Variants in GNA14 observed in about 807,000 individuals in gnomAD.
The protein encoded by GNA14 is G protein subunit alpha 14.
GNA14 carries 50 observed loss-of-function variants against 42.0 expected under a neutral mutation model. The observed-to-expected ratio is 1.19, with a 90% CI of 0.95 to 1.51. The LOEUF is 1.51. Ranked by LOEUF, GNA14 falls within the 40% of genes most tolerant of loss-of-function variation. The pLI is 0.00. For synonymous variants in GNA14, 173 were observed against 163.1 expected (o/e 1.06, Z -0.46); for missense variants, 473 against 446.2 (o/e 1.06, Z -0.54).
At chr9:77,591,538 T>C (rs1420999144) in intron 1 of GNA14, among the ~76,000 whole-genome samples, 1 of 152,202 alleles carries the variant, frequency 6.6e-6, no homozygotes, top group African/African-American at 2.4e-5. Context: ...TTAGACTCAA[T>C]TTCCTCAGGC....
chr9:77,647,969 A>C lies in GNA14; in HGVS notation c.-176T>G. 1.4e-6 allele frequency: 1 copy of C among 696,890 alleles called. No homozygotes were observed. The highest frequency in any genetic ancestry group is 2.3e-6 in the Non-Finnish European group (1 of 434,902). 43.2% of individuals were successfully genotyped at this position (696,890 alleles called of 1,614,324 possible). On this transcript the variant is annotated 5_prime_UTR_variant, in exon 1 of 7. Transcript: ENST00000341700. Reference sequence around the variant, plus strand: ...CCTCCGAGGCTCAATCCCCCTTCGAAAGTCGGCTCTGAGGCGGGGTGAATG... The same window carrying C: ...CCTCCGAGGCTCAATCCCCCTTCGACAGTCGGCTCTGAGGCGGGGTGAATG...
At chr9:77,530,756 G>C in intron 1 of GNA14, among the ~76,000 whole-genome samples, 1 of 152,188 alleles carries the variant, frequency 6.6e-6, no homozygotes. Context: ...TGTCTTGCAG[G>C]CTCAGGCTGC....
intron 2 of GNA14, among the ~76,000 whole-genome samples, chr9:77,437,823 G>T (rs191960523): frequency 6.6e-6 from 1 of 152,100 alleles, no homozygotes; most frequent in African/African-American, 2.4e-5. Flanking sequence ...TATGTGGCAC[G>T]AGTGAGCAAT....
At chr9:77,522,423 C>A (rs1587815596) in intron 2 of GNA14, among the ~76,000 whole-genome samples, 1 of 152,186 alleles carries the variant, frequency 6.6e-6, no homozygotes, top group East Asian at 1.9e-4. Flanking sequence ...TCTGTCAAGG[C>A]TAATCTAACC....
At chr9:77,476,788 C>T (rs1427562993) in intron 2 of GNA14, among the ~76,000 whole-genome samples, 1 of 152,166 alleles carries the variant, frequency 6.6e-6, no homozygotes, top group Non-Finnish European at 1.5e-5. Flanking sequence ...GGAGAGAAAG[C>T]TGAAACCTTG....
chr9:77,613,390 A>G (rs1417767627), intron 1 of GNA14, among the ~76,000 whole-genome samples: 1 of 152,220 alleles, frequency 6.6e-6, no homozygotes, highest in East Asian at 1.9e-4. Context: ...GGAGTAGGAC[A>G]ATGGGGAAAT....
At chr9:77,428,071 C>CTTTTTTTTTTTT (rs1182913068) in intron 5 of GNA14, among the ~76,000 whole-genome samples, 3 of 130,676 alleles carry the variant, frequency 2.3e-5, no homozygotes, top group African/African-American at 2.9e-5. Flanking sequence ...GGCATTTTTT[C>CTTTTTTTTTTTT]TTTTTTTTTT....
intron 2 of GNA14, among the ~76,000 whole-genome samples, chr9:77,523,003 T>C (rs1044354369): frequency 2.6e-5 from 4 of 152,162 alleles, no homozygotes; most frequent in Admixed American, 6.5e-5. Flanking sequence ...CTCAAGTGCA[T>C]AGACTCAACT....
chr9:77,635,648 G>A (rs1218710063), intron 1 of GNA14, among the ~76,000 whole-genome samples: 1 of 152,148 alleles, frequency 6.6e-6, no homozygotes, highest in Non-Finnish European at 1.5e-5. Context: ...AGGGTGAAAT[G>A]CCTTTGCATT....
At chr9:77,589,767 C>T (rs962706001) in intron 1 of GNA14, among the ~76,000 whole-genome samples, 2 of 152,184 alleles carry the variant, frequency 1.3e-5, no homozygotes, top group African/African-American at 4.8e-5. Context: ...TTAATTATGA[C>T]CATCCAGAGT....
intron 1 of GNA14, among the ~76,000 whole-genome samples, chr9:77,567,890 A>C (rs900454008): frequency 1.3e-5 from 2 of 152,154 alleles, no homozygotes; most frequent in Non-Finnish European, 2.9e-5. Context: ...CAAGTATTCC[A>C]TTATGGCCAG....
intron 3 of GNA14, among the ~76,000 whole-genome samples, chr9:77,432,588 G>A (rs1038502041): frequency 1.3e-5 from 2 of 152,128 alleles, no homozygotes; most frequent in African/African-American, 4.8e-5. Context: ...GTTGAAAACC[G>A]CTGGCCCAGA....
intron 5 of GNA14, among the ~76,000 whole-genome samples, 159 bp from the exon 6 acceptor site, chr9:77,425,874 C>T (rs1488773666): frequency 1.3e-5 from 2 of 152,186 alleles, no homozygotes; most frequent in Non-Finnish European, 2.9e-5. Context: ...AGGCTACAGG[C>T]CTCCTGCTTC....
intron 1 of GNA14, among the ~76,000 whole-genome samples, chr9:77,569,480 GAAATGGC>G (rs1823026852): frequency 1.3e-5 from 2 of 152,172 alleles, no homozygotes; most frequent in South Asian, 4.1e-4. Context: ...TGGGAACTGT[GAAATGGC>G]TGTGAACAAG....
chr9:77,630,369 T>C (rs1824078836), intron 1 of GNA14, among the ~76,000 whole-genome samples: 1 of 152,142 alleles, frequency 6.6e-6, no homozygotes, highest in Non-Finnish European at 1.5e-5. Context: ...CCTCCCGTCC[T>C]GGCCTCCTCA....
chr9:77,556,259 A>T (rs1587828828), intron 1 of GNA14, among the ~76,000 whole-genome samples: 3 of 152,314 alleles, frequency 2.0e-5, no homozygotes. Context: ...ATAAAAATAA[A>T]GCACACATAA....
At chr9:77,435,272 G>T (rs1000406994) in intron 2 of GNA14, among the ~76,000 whole-genome samples, 10 of 151,940 alleles carry the variant, frequency 6.6e-5, no homozygotes, top group Non-Finnish European at 1.3e-4. Context: ...CAGGAGAATC[G>T]CTTGAACCCA....
At chr9:77,601,953 C>G (rs1823572919) in intron 1 of GNA14, among the ~76,000 whole-genome samples, 1 of 152,206 alleles carries the variant, frequency 6.6e-6, no homozygotes, top group Non-Finnish European at 1.5e-5. Context: ...GCCAATTAAA[C>G]CTAATCTCCA....
At chr9:77,498,386 A>AAG (rs1439208675) in intron 2 of GNA14, among the ~76,000 whole-genome samples, 1 of 93,222 alleles carries the variant, frequency 1.1e-5, no homozygotes, top group African/African-American at 4.0e-5. Context: ...AAAAAAAAAA[A>AAG]AAGAAAAAAA....
Sources: gnomAD v4.1 joint callset for allele counts (sites outside exome capture counted in the v4.1 genomes callset) on GRCh38, gnomAD v4.1.1 for gene constraint, MANE v1.5 for transcripts, NCBI Gene and HGNC (gene_info 2026-07-23, HGNC 2026-07-21) for gene names.